IL1RL2: variants seen among roughly 807,000 people sequenced by gnomAD.
The protein encoded by IL1RL2 is interleukin 1 receptor like 2, also known as interleukin-1 receptor-like 2.
IL1RL2 carries 68 observed loss-of-function variants against 66.8 expected under a neutral mutation model. The ratio of observed to expected loss-of-function variants is 1.02; its 90% confidence interval spans 0.84 to 1.25. The LOEUF is 1.25. Among genes scored for constraint, IL1RL2 ranks in the 50% most tolerant of loss-of-function variants. The pLI, the probability that IL1RL2 is intolerant of heterozygous loss-of-function variation, is 0.00. For missense variants in IL1RL2, 729 were observed against 709.3 expected (o/e 1.03, Z -0.32); for synonymous variants, 305 against 264.6 (o/e 1.15, Z -1.48).
At chr2:102,206,082 T>G (rs1236672267) in intron 5 of IL1RL2, among the ~76,000 whole-genome samples, 2 of 152,142 alleles carry the variant, frequency 1.3e-5, no homozygotes, top group Admixed American at 1.3e-4. Context: ...AATTTCTGCT[T>G]GATTTAAAAA....
chr2:102,218,942 G>T lies in IL1RL2; in HGVS notation c.725-11G>T, dbSNP rs373174855. The T allele has an allele frequency of 3.2e-5, 51 of 1,602,176 alleles. 1 individual carries two copies. The highest frequency in any genetic ancestry group is 4.2e-5 in the Non-Finnish European group (49 of 1,172,552). Reference sequence around the variant, plus strand: ...TTTTCATTGAATATTGATGATATTGGTTTTTTTTAGGTACCACTCTGATTG... The same window carrying T: ...TTTTCATTGAATATTGATGATATTGTTTTTTTTTAGGTACCACTCTGATTG... On this transcript the variant is annotated splice_polypyrimidine_tract_variant and intron_variant, in intron 6 of 11. Transcript: ENST00000264257.
intron 5 of IL1RL2, among the ~76,000 whole-genome samples, chr2:102,209,381 G>C (rs1313012187): frequency 6.6e-6 from 1 of 152,150 alleles, no homozygotes; most frequent in Non-Finnish European, 1.5e-5. Context: ...AAATGGTCTG[G>C]GAAGGCTTCC....
At chr2:102,201,824 T>A (rs1345141277) in intron 5 of IL1RL2, 109 bp downstream of exon 5, 6 of 1,045,586 alleles carry the variant, frequency 5.7e-6, no homozygotes, top group Admixed American at 4.5e-5. Flanking sequence ...AGGTCTTGGT[T>A]TCCCTGAAGG....
chr2:102,205,858 A>C (rs572914877), intron 5 of IL1RL2, among the ~76,000 whole-genome samples: 1 of 152,262 alleles, frequency 6.6e-6, no homozygotes, highest in Admixed American at 6.5e-5. Flanking sequence ...TGTAAAGCCA[A>C]TAACTTTTAG....
chr2:102,239,151 C>A (rs771684931), intron 11 of IL1RL2, 41 bp from the exon 12 acceptor site: 2 of 1,597,034 alleles, frequency 1.3e-6, no homozygotes, highest in Non-Finnish European at 1.7e-6. Flanking sequence ...CCATCTCCCA[C>A]CACATCAGAA....
At chr2:102,198,103 A>G (rs1394515267) in intron 4 of IL1RL2, among the ~76,000 whole-genome samples, 2 of 152,226 alleles carry the variant, frequency 1.3e-5, no homozygotes, top group Non-Finnish European at 2.9e-5. Context: ...CAAAGATTAA[A>G]TGATCTAATC....
intron 8 of IL1RL2, among the ~76,000 whole-genome samples, chr2:102,225,214 C>T (rs1690494279): frequency 6.6e-6 from 1 of 152,198 alleles, no homozygotes; most frequent in Non-Finnish European, 1.5e-5. Context: ...ATCTCCTGCC[C>T]ACCACTTAGG....
chr2:102,207,309 T>A (rs909374479), intron 5 of IL1RL2, among the ~76,000 whole-genome samples: 1 of 151,924 alleles, frequency 6.6e-6, no homozygotes, highest in African/African-American at 2.4e-5. Flanking sequence ...GCAAAAGGAG[T>A]TTTGCCCTAT....
chr2:102,242,744 C>T (rs1050407637), downstream of IL1RL2, among the ~76,000 whole-genome samples: 1 of 152,200 alleles, frequency 6.6e-6, no homozygotes, highest in African/African-American at 2.4e-5. Context: ...CTTACAGACA[C>T]GTCCATAAAT....
In IL1RL2 at chr2:102,201,601, AGGCTTTTGGT is replaced by A. The variant is rs751108610; in HGVS notation, c.537_546del (p.Leu180AlafsTer17). 6.2e-7 allele frequency: 1 copy of A among 1,614,152 alleles called. No homozygotes were observed. Among genetic ancestry groups the A allele is most frequent in the Non-Finnish European group, 8.5e-7 (1 of 1,179,992 alleles). On this transcript the variant is annotated frameshift_variant, in exon 5 of 12. Coordinates refer to ENST00000264257, the MANE Select transcript of IL1RL2 (RefSeq NM_003854.4). LOFTEE classifies it high-confidence loss of function. The stretch of plus-strand genomic sequence containing the variant: ...GGAGCGGTTCACTGTTTTGGAAACC[AGGCTTTTGGT>A]GAGCAATGTCTCGGCAGAGGACAGA...
intron 3 of IL1RL2, among the ~76,000 whole-genome samples, chr2:102,191,684 C>G (rs1486978691): frequency 6.6e-6 from 1 of 152,204 alleles, no homozygotes; most frequent in African/African-American, 2.4e-5. Context: ...ATGGCGTCCA[C>G]TTGCCCCTAG....
chr2:102,212,466 A>C (rs936758599), intron 6 of IL1RL2, among the ~76,000 whole-genome samples: 2 of 152,230 alleles, frequency 1.3e-5, no homozygotes, highest in Non-Finnish European at 2.9e-5. Context: ...AATTCTTCAG[A>C]CAATACATAA....
chr2:102,231,659 T>TA (rs1366690822), intron 9 of IL1RL2, among the ~76,000 whole-genome samples: 1 of 152,206 alleles, frequency 6.6e-6, no homozygotes, highest in African/African-American at 2.4e-5. Context: ...GTCTTGTGTT[T>TA]AACTTCTGTG....
Position 102,195,631 on chromosome 2 carries a change from C to CTTTCCTTCTTTCTT in IL1RL2, c.489+3512_489+3513insTTCCTTCTTTCTTT, listed in dbSNP as rs1559530311. 1.9e-3 allele frequency among the ~76,000 whole-genome samples: 47 copies of CTTTCCTTCTTTCTT among 24,402 alleles called. 2 individuals are homozygous for CTTTCCTTCTTTCTT. The highest frequency in any genetic ancestry group is 3.8e-3 in the African/African-American group (39 of 10,316). The allele number at this position is 24,402 out of a possible 152,430, so 16.0% of individuals were successfully genotyped here. A position where few individuals can be genotyped will look rare whatever the true frequency, so the allele number is the denominator to read the frequency against. On this transcript the variant is annotated intron_variant, in intron 4 of 11. Transcript: ENST00000264257. ...TTTCTTTCTTTCTTTCTTTCTTTCT[C>CTTTCCTTCTTTCTT]TCTCTCTCTCTCTCTCTTTCTTTCT...
At chr2:102,195,605 C>CTTTCTTTCTTTCTT (rs1687643793) in intron 4 of IL1RL2, among the ~76,000 whole-genome samples, 2 of 17,860 alleles carry the variant, frequency 1.1e-4, no homozygotes, top group Admixed American at 5.3e-4. Flanking sequence ...TTCTTTCTTT[C>CTTTCTTTCTTTCTT]TTTCTTTCTT....
chr2:102,200,773 C>T (rs977751624), intron 4 of IL1RL2, among the ~76,000 whole-genome samples: 6 of 151,850 alleles, frequency 4.0e-5, no homozygotes, highest in African/African-American at 1.2e-4. Context: ...TGAGGCTTGC[C>T]CTCTGGGTGG....
At chr2:102,234,410 A>G (rs540937446) in intron 10 of IL1RL2, among the ~76,000 whole-genome samples, 1 of 151,918 alleles carries the variant, frequency 6.6e-6, no homozygotes, top group African/African-American at 2.4e-5. Flanking sequence ...AAAGCCACAA[A>G]GGCTTCACAG....
At chr2:102,233,147 AAATAACAAATAAAAG>A in intron 10 of IL1RL2, 23 bp downstream of exon 10, 1 of 1,590,530 alleles carries the variant, frequency 6.3e-7, no homozygotes, top group Non-Finnish European at 8.6e-7. Context: ...TGAGGTGTAA[AAATAACAAATAAAAG>A]AAGGAAAGCG....
At position 102,220,274 on chromosome 2, in the gene IL1RL2, A is replaced by G. The variant is rs183175719; in HGVS notation, c.991+257A>G. Among the ~76,000 whole-genome samples the G allele has an allele frequency of 2.0e-5, 3 of 152,322 alleles. No individual in the cohort carries two copies. The East Asian group carries it at 5.8e-4, about 29-fold the overall frequency. Reference sequence around the variant, plus strand: ...CCAGATTTTATACATCAAAACAGAAAGAAAACAAAAGCTTTTCTTTATTAA... The same window carrying G: ...CCAGATTTTATACATCAAAACAGAAGGAAAACAAAAGCTTTTCTTTATTAA... On this transcript the variant is annotated intron_variant, in intron 8 of 11. Coordinates refer to ENST00000264257, the MANE Select transcript of IL1RL2 (RefSeq NM_003854.4).
Sources: allele counts gnomAD v4.1 joint callset (sites outside exome capture counted in the v4.1 genomes callset), GRCh38; gene constraint gnomAD v4.1.1; transcripts MANE v1.5; gene names NCBI Gene and HGNC (gene_info 2026-07-23, HGNC 2026-07-21).